RBFOX1: variants seen among roughly 807,000 people sequenced by gnomAD.
RBFOX1 encodes the protein RNA binding fox-1 homolog 1, also known as RNA binding protein fox-1 homolog 1.
Under a neutral mutation model 57.7 loss-of-function variants are expected in RBFOX1, and 8 were observed. That is an observed-to-expected ratio of 0.14 (90% confidence interval 0.08 to 0.25). The LOEUF (loss-of-function observed/expected upper bound fraction) is 0.25, where lower values mean the gene tolerates loss of function less well. RBFOX1 is among the 10% of genes least tolerant of loss of function. The probability of loss-of-function intolerance (pLI) is 1.00; values close to 1 mark genes in which losing one functional copy is unlikely to be tolerated. For synonymous variants in RBFOX1, 326 were observed against 222.4 expected (o/e 1.47, Z -4.15); for missense variants, 611 against 548.5 (o/e 1.11, Z -1.14).
intron 4 of RBFOX1, among the ~76,000 whole-genome samples, chr16:7,311,849 G>C (rs879567612): frequency 2.0e-5 from 3 of 152,142 alleles, no homozygotes; most frequent in Non-Finnish European, 4.4e-5. Context: ...GTTATATGTA[G>C]GACAGAAGTC....
chr16:6,110,540 T>C (rs2096434152), intron 1 of RBFOX1, among the ~76,000 whole-genome samples: 1 of 152,170 alleles, frequency 6.6e-6, no homozygotes, highest in Non-Finnish European at 1.5e-5. Flanking sequence ...AACTACCCGC[T>C]GGGCTGTTTC....
intron 3 of RBFOX1, among the ~76,000 whole-genome samples, chr16:6,876,343 C>T (rs1335021643): frequency 1.3e-5 from 2 of 151,982 alleles, no homozygotes; most frequent in South Asian, 2.1e-4. Context: ...TTGACTATTC[C>T]ACCATCAAAG....
intron 4 of RBFOX1, among the ~76,000 whole-genome samples, chr16:7,438,694 C>A (rs118092332): frequency 2.0e-5 from 3 of 152,162 alleles, no homozygotes; most frequent in Non-Finnish European, 2.9e-5. Flanking sequence ...GTGCTAAAGT[C>A]GGCTTCAGAG....
intron 3 of RBFOX1, among the ~76,000 whole-genome samples, chr16:6,864,766 C>G (rs1567618995): frequency 2.0e-5 from 3 of 151,900 alleles, no homozygotes; most frequent in South Asian, 4.1e-4. Context: ...TTTTAAGTGT[C>G]TTTTTCCTCT....
chr16:5,446,905 T>C (rs1392508163), intron 1 of RBFOX1, among the ~76,000 whole-genome samples: 1 of 152,088 alleles, frequency 6.6e-6, no homozygotes, highest in Non-Finnish European at 1.5e-5. Context: ...TGGTCTTTTC[T>C]CCCTGAGGCT....
chr16:5,671,138 G>A (rs1290592715), intron 3 of RBFOX1, among the ~76,000 whole-genome samples: 3 of 152,214 alleles, frequency 2.0e-5, no homozygotes, highest in African/African-American at 7.2e-5. Flanking sequence ...CTCTTCTGTG[G>A]ATTCCCTATT....
At chr16:6,397,118 A>T (rs2092871764) in intron 2 of RBFOX1, among the ~76,000 whole-genome samples, 1 of 152,184 alleles carries the variant, frequency 6.6e-6, no homozygotes, top group African/African-American at 2.4e-5. Context: ...GAGGAAGGAG[A>T]AGATAATGCA....
intron 3 of RBFOX1, among the ~76,000 whole-genome samples, chr16:6,953,488 C>T (rs900997555): frequency 7.2e-5 from 11 of 152,064 alleles, no homozygotes; most frequent in East Asian, 1.9e-4. Flanking sequence ...TGGGTTCAAG[C>T]GATTCTTCTG....
At chr16:6,126,276 C>G (rs543088924) in intron 1 of RBFOX1, among the ~76,000 whole-genome samples, 10 of 152,330 alleles carry the variant, frequency 6.6e-5, no homozygotes, top group African/African-American at 1.9e-4. Context: ...GGAACAGTGA[C>G]CTAACCTTCG....
intron 1 of RBFOX1, chr16:5,289,074 G>T: frequency 6.2e-6 from 1 of 161,564 alleles, no homozygotes; most frequent in East Asian, 1.7e-4. Context: ...TCAGTGAGCT[G>T]AGATCGTGCC....
chr16:5,772,123 G>A (rs933274525), intron 3 of RBFOX1, among the ~76,000 whole-genome samples: 5 of 151,928 alleles, frequency 3.3e-5, no homozygotes, highest in African/African-American at 1.2e-4. Context: ...AATGAGCCGA[G>A]ATCACACCAG....
chr16:5,338,208 TG>T (rs2064946859), intron 1 of RBFOX1, among the ~76,000 whole-genome samples: 1 of 152,218 alleles, frequency 6.6e-6, no homozygotes, highest in African/African-American at 2.4e-5. Flanking sequence ...TGATCTCATA[TG>T]GATGCCTTGG....
At chr16:5,459,102 T>G (rs1212242775) in intron 1 of RBFOX1, among the ~76,000 whole-genome samples, 1 of 152,196 alleles carries the variant, frequency 6.6e-6, no homozygotes, top group Non-Finnish European at 1.5e-5. Context: ...CCTGGCCTCT[T>G]GGTGACTCTC....
chr16:5,794,654 G>T (rs554420548), intron 3 of RBFOX1, among the ~76,000 whole-genome samples: 1 of 152,308 alleles, frequency 6.6e-6, no homozygotes, highest in African/African-American at 2.4e-5. Flanking sequence ...GCAGCTGGAG[G>T]AGTCGGGCGG....
chr16:6,334,333 C>T (rs2083381131), intron 2 of RBFOX1, among the ~76,000 whole-genome samples: 1 of 151,916 alleles, frequency 6.6e-6, no homozygotes, highest in African/African-American at 2.4e-5. Flanking sequence ...CATGGTGAAA[C>T]CCCATCTCTA....
At chr16:7,458,266 C>G (rs975726153) in intron 4 of RBFOX1, among the ~76,000 whole-genome samples, 1 of 152,228 alleles carries the variant, frequency 6.6e-6, no homozygotes. Flanking sequence ...CGTCTAATGA[C>G]CATGTGAATG....
intron 3 of RBFOX1, among the ~76,000 whole-genome samples, chr16:6,793,611 C>G (rs766243533): frequency 3.9e-5 from 6 of 152,098 alleles, no homozygotes; most frequent in African/African-American, 7.2e-5. Flanking sequence ...CAAGAGCAAA[C>G]TGAAAGCTTT....
At chr16:5,834,443 A>G (rs1279273847) in intron 3 of RBFOX1, among the ~76,000 whole-genome samples, 1 of 152,148 alleles carries the variant, frequency 6.6e-6, no homozygotes, top group Non-Finnish European at 1.5e-5. Context: ...TGTTCTTTTC[A>G]TGGCTGAGTA....
chr16:7,319,229 C>G (rs561567304), intron 4 of RBFOX1, among the ~76,000 whole-genome samples: 13 of 152,258 alleles, frequency 8.5e-5, no homozygotes, highest in Admixed American at 6.5e-4. Context: ...AATGGCCACC[C>G]TGGAGTCTGT....
Sources: gnomAD v4.1 joint callset for allele counts (sites outside exome capture counted in the v4.1 genomes callset) on GRCh38, gnomAD v4.1.1 for gene constraint, MANE v1.5 for transcripts, NCBI Gene and HGNC (gene_info 2026-07-23, HGNC 2026-07-21) for gene names.